Variants in CRACDL observed in about 807,000 individuals in gnomAD.
CRACDL encodes the protein CRACD-like protein.
A neutral mutation model predicts 70.6 loss-of-function variants in CRACDL; 26 were observed. The observed-to-expected ratio is 0.37, with a 90% confidence interval of 0.27 to 0.51. The LOEUF (loss-of-function observed/expected upper bound fraction) is 0.51, where lower values mean the gene tolerates loss of function less well. Among genes scored for constraint, CRACDL ranks in the 20% least tolerant of loss-of-function variants. CRACDL has a pLI of 0.94. For missense variants in CRACDL, 1,283 were observed against 1,376.9 expected, an observed-to-expected ratio of 0.93 and a Z score of 1.08; for synonymous variants, 618 against 615.2, an observed-to-expected ratio of 1.00 and a Z score of -0.07.
At chr2:98,917,494 AAAAC>A (rs1357941421) in intron 1 of CRACDL, among the ~76,000 whole-genome samples, 5 of 152,224 alleles carry the variant, frequency 3.3e-5, no homozygotes, top group African/African-American at 1.2e-4. Flanking sequence ...ATCGTTCACA[AAAAC>A]AAACAAACAA....
At chr2:98,902,223 G>A (rs1388862493) in intron 1 of CRACDL, among the ~76,000 whole-genome samples, 2 of 152,210 alleles carry the variant, frequency 1.3e-5, no homozygotes, top group Non-Finnish European at 2.9e-5. Context: ...CAGCACAGGT[G>A]TAGTCATGGA....
In CRACDL at chr2:98,822,458, C is replaced by G; in HGVS notation, c.1815G>C (p.Pro605=). 1 of 1,477,552 alleles carries G rather than the reference C, an allele frequency of 6.8e-7. No homozygotes were observed. Among genetic ancestry groups the G allele is most frequent in the Non-Finnish European group, 8.9e-7 (1 of 1,122,282 alleles). 91.5% of individuals were successfully genotyped at this position (1,477,552 alleles called of 1,614,324 possible). A position where few individuals can be genotyped will look rare whatever the true frequency, so the allele number is the denominator to read the frequency against. The change falls in exon 7 of 10, where the codon CCG becomes CCC. Residue 605 remains proline, a synonymous_variant. Transcript: ENST00000397899. This position sits in a 1 kb window ranked among gnomAD's most constrained non-coding sequence, Gnocchi z 4.9. The part of the protein sequence containing the change: ...SGRLPLARSG[P]VWRSEAALDD... Reference sequence around the variant, plus strand: ...CAAGAGCCGCCTCGCTCCTCCAGACCGGGCCGCTCCTCGCGAGGGGCAGGC... The same window carrying G: ...CAAGAGCCGCCTCGCTCCTCCAGACGGGGCCGCTCCTCGCGAGGGGCAGGC...
intron 7 of CRACDL, among the ~76,000 whole-genome samples, chr2:98,798,385 A>C (rs1272215392): frequency 7.7e-6 from 1 of 130,616 alleles, no homozygotes; most frequent in Non-Finnish European, 1.6e-5. Flanking sequence ...CGGAGCTTGC[A>C]GTGAGCCGAG....
chr2:98,841,412 T>C (rs1031940615), intron 2 of CRACDL, among the ~76,000 whole-genome samples: 11 of 152,172 alleles, frequency 7.2e-5, no homozygotes, highest in African/African-American at 2.4e-4. Flanking sequence ...TTGCTTCCTC[T>C]TTCAGTGGTT....
At chr2:98,862,213 A>G (rs1217703610) in intron 1 of CRACDL, among the ~76,000 whole-genome samples, 9 of 152,196 alleles carry the variant, frequency 5.9e-5, no homozygotes. Context: ...GAAGGCCTTA[A>G]GTTTATACTT....
rs138540151 is a variant in CRACDL at position 98,800,916 on chromosome 2, G to C, written c.2417-3379C>G. Among the ~76,000 whole-genome samples the C allele has an allele frequency of 3.9e-5, 6 of 152,320 alleles. No homozygotes were observed. The East Asian group carries it at 1.2e-3, about 29-fold the overall frequency. ...CCTGCTGCTGCCTGTCTGTGGGGTA[G>C]GAATGTTTCCAGCTGTACTGTGTGT... On this transcript the variant is annotated intron_variant, in intron 7 of 9. Transcript: ENST00000397899.
intron 1 of CRACDL, among the ~76,000 whole-genome samples, chr2:98,928,489 C>T (rs1708990161): frequency 6.6e-6 from 1 of 152,170 alleles, no homozygotes. Context: ...CCCCAGACAG[C>T]TGACCAGACT....
At chr2:98,889,470 G>A (rs2104632676) in intron 1 of CRACDL, among the ~76,000 whole-genome samples, 2 of 152,228 alleles carry the variant, frequency 1.3e-5, no homozygotes. Context: ...AATGAATCAA[G>A]ATTAAACAAC....
At chr2:98,831,029 C>T (rs530938102) in intron 5 of CRACDL, among the ~76,000 whole-genome samples, 1 of 152,296 alleles carries the variant, frequency 6.6e-6, no homozygotes, top group African/African-American at 2.4e-5. Flanking sequence ...TGAAACTGCA[C>T]ACAGGAGTAT....
intron 1 of CRACDL, among the ~76,000 whole-genome samples, chr2:98,859,673 G>A (rs1313052225): frequency 2.6e-5 from 4 of 152,092 alleles, no homozygotes; most frequent in African/African-American, 9.7e-5. Context: ...ATGACAAAGG[G>A]CATCTATGAA....
At chr2:98,799,909 A>G (rs1211349899) in intron 7 of CRACDL, among the ~76,000 whole-genome samples, 2 of 151,794 alleles carry the variant, frequency 1.3e-5, no homozygotes, top group African/African-American at 4.8e-5. Flanking sequence ...TCCTTGTCTG[A>G]CTTTTGTTCC....
intron 6 of CRACDL, 103 bp downstream of exon 6, chr2:98,826,872 G>A (rs1364481393): frequency 4.0e-6 from 3 of 759,154 alleles, no homozygotes; most frequent in Admixed American, 4.7e-5. Flanking sequence ...GCTCAGAGGG[G>A]GCATGAGACC....
chr2:98,801,207 CT>C (rs1312021449), intron 7 of CRACDL, among the ~76,000 whole-genome samples: 1 of 152,222 alleles, frequency 6.6e-6, no homozygotes, highest in African/African-American at 2.4e-5. Context: ...CTTGTAATCT[CT>C]AGGCCCTGTT....
intron 7 of CRACDL, among the ~76,000 whole-genome samples, chr2:98,801,600 T>C (rs1304592045): frequency 1.3e-5 from 2 of 152,206 alleles, no homozygotes; most frequent in Non-Finnish European, 2.9e-5. Context: ...TGCCTCCCAG[T>C]GTGGTTGTGA....
At chr2:98,875,785 T>C (rs925373120) in intron 1 of CRACDL, among the ~76,000 whole-genome samples, 11 of 152,256 alleles carry the variant, frequency 7.2e-5, no homozygotes, top group Non-Finnish European at 1.2e-4. Context: ...AGTATCTGCA[T>C]TTATTAAACA....
chr2:98,849,292 G>C (rs1706385963), intron 1 of CRACDL, among the ~76,000 whole-genome samples: 1 of 152,194 alleles, frequency 6.6e-6, no homozygotes, highest in Non-Finnish European at 1.5e-5. Flanking sequence ...AACTGGGAAA[G>C]GATTAACACT....
chr2:98,923,623 T>C (rs549346329), intron 1 of CRACDL, among the ~76,000 whole-genome samples: 14 of 152,366 alleles, frequency 9.2e-5, no homozygotes, highest in African/African-American at 3.4e-4. Context: ...ATGAAATCAA[T>C]ACTAGGTCAC....
chr2:98,912,151 G>C (rs1356382314), intron 1 of CRACDL, among the ~76,000 whole-genome samples: 1 of 152,234 alleles, frequency 6.6e-6, no homozygotes, highest in Admixed American at 6.5e-5. Context: ...ACCTGTGCCA[G>C]AGTTTAGAAT....
At chr2:98,871,415 G>A (rs922206135) in intron 1 of CRACDL, among the ~76,000 whole-genome samples, 6 of 152,112 alleles carry the variant, frequency 3.9e-5, no homozygotes, top group Non-Finnish European at 8.8e-5. Flanking sequence ...TTTTTTGCAG[G>A]TGAGGAAATA....
Sources: gnomAD v4.1 joint callset for allele counts (sites outside exome capture counted in the v4.1 genomes callset) on GRCh38, gnomAD v4.1.1 for gene constraint, Gnocchi (gnomAD v3.1) non-coding constraint, MANE v1.5 for transcripts, NCBI Gene and HGNC (gene_info 2026-07-23, HGNC 2026-07-21) for gene names.